The following SLC39A14 variants were observed in gnomAD, a reference collection of about 807,000 sequenced individuals.
SLC39A14 encodes metal cation symporter ZIP14.
In SLC39A14, 19 loss-of-function variants were observed where a neutral mutation model predicts 45.5. That is an observed-to-expected ratio of 0.42 (90% CI 0.29 to 0.61). The LOEUF is 0.61. SLC39A14 is among the 20% of genes least tolerant of loss of function. The probability of loss-of-function intolerance (pLI) is 0.22; values close to 1 mark genes in which losing one functional copy is unlikely to be tolerated. For missense variants in SLC39A14, 447 were observed against 616.5 expected, an observed-to-expected ratio of 0.73 and a Z score of 2.91; for synonymous variants, 264 against 251.3, an observed-to-expected ratio of 1.05 and a Z score of -0.48.
At chr8:22,405,428 G>A (rs182414783) in intron 2 of SLC39A14, among the ~76,000 whole-genome samples, 126 of 152,264 alleles carry the variant, frequency 8.3e-4, no homozygotes, top group African/African-American at 2.7e-3. Context: ...CAAGAGAATC[G>A]CTTGAACCCA....
intron 3 of SLC39A14, among the ~76,000 whole-genome samples, chr8:22,411,509 C>T (rs993960001): frequency 2.6e-5 from 4 of 152,224 alleles, no homozygotes; most frequent in Admixed American, 6.5e-5. Context: ...ACCAAGTGGT[C>T]GTGGTGTCAC....
intron 1 of SLC39A14, among the ~76,000 whole-genome samples, chr8:22,384,854 A>G (rs1307041190): frequency 1.3e-5 from 2 of 152,002 alleles, no homozygotes; most frequent in African/African-American, 4.8e-5. Context: ...GTTTCAGACC[A>G]GCGTCACCAA....
chr8:22,402,966 G>GTGTTTGTT (rs10676463), intron 1 of SLC39A14, among the ~76,000 whole-genome samples: 218 of 150,324 alleles, frequency 1.5e-3, no homozygotes, highest in African/African-American at 2.9e-3. Context: ...TTTAGTTATG[G>GTGTTTGTT]TGTTTGTTTG....
At chr8:22,377,897 T>G (rs1367901378) in intron 1 of SLC39A14, among the ~76,000 whole-genome samples, 1 of 152,210 alleles carries the variant, frequency 6.6e-6, no homozygotes, top group Non-Finnish European at 1.5e-5. Context: ...AATACCCCAT[T>G]TGGATCTGTG....
At position 22,410,114 on chromosome 8, in the gene SLC39A14, A is replaced by C. The variant is rs764088485; in HGVS notation, c.457+1618A>C. ...AACGCGCTATTCCAGCTCATCCCAG[A>C]GGTGCAGTAGAACAGAAACTTGCGC... is the stretch of plus-strand genomic sequence containing the variant. On this transcript the variant is annotated intron_variant, in intron 3 of 8. Coordinates refer to ENST00000381237, the MANE Select transcript of SLC39A14 (RefSeq NM_001128431.4). 3.1e-6 allele frequency: 5 copies of C among 1,613,950 alleles called. No homozygotes were observed. In the African/African-American group the frequency reaches 6.7e-5, roughly 22 times the overall value.
chr8:22,433,539 G>A (rs1482895735), intron 8 of SLC39A14, among the ~76,000 whole-genome samples: 2 of 138,258 alleles, frequency 1.4e-5, no homozygotes, highest in Non-Finnish European at 3.1e-5. Flanking sequence ...TTTATTTTAT[G>A]CTTTTTTTTT....
At chr8:22,415,531 A>C (rs1835820179) in intron 5 of SLC39A14, 2 of 445,754 alleles carry the variant, frequency 4.5e-6, no homozygotes, top group Non-Finnish European at 4.0e-6. Context: ...TCTCAGCTCA[A>C]GCAGTCCTCC....
chr8:22,430,916 G>T (rs568910852), intron 8 of SLC39A14, among the ~76,000 whole-genome samples: 1 of 151,818 alleles, frequency 6.6e-6, no homozygotes, highest in South Asian at 2.1e-4. Flanking sequence ...CAAGTAATCC[G>T]CCCATCTCGG....
chr8:22,406,781 C>T (rs953485452), intron 2 of SLC39A14, among the ~76,000 whole-genome samples: 10 of 152,272 alleles, frequency 6.6e-5, no homozygotes, highest in Non-Finnish European at 1.5e-4. Flanking sequence ...GAGACAAGCA[C>T]GCCCCCGTGC....
intron 1 of SLC39A14, among the ~76,000 whole-genome samples, chr8:22,387,343 C>G (rs532779484): frequency 1.8e-4 from 28 of 152,148 alleles, no homozygotes; most frequent in Middle Eastern, 3.4e-3. Context: ...TGAAAGTCAC[C>G]CAGAAAGGAG....
chr8:22,416,410 A>G (rs1166328151), intron 7 of SLC39A14, 130 bp downstream of exon 7: 1 of 758,224 alleles, frequency 1.3e-6, no homozygotes, highest in Non-Finnish European at 2.1e-6. Context: ...ACACACTCCT[A>G]AAGCTTCATG....
chr8:22,386,225 G>A (rs76106309), intron 1 of SLC39A14, among the ~76,000 whole-genome samples: 6 of 151,632 alleles, frequency 4.0e-5, no homozygotes, highest in Non-Finnish European at 7.4e-5. Context: ...GATTACAGGC[G>A]TGAGCCACTG....
chr8:22,421,226 C>T lies in SLC39A14; in HGVS notation c.*1528C>T, dbSNP rs1356760996. On this transcript the variant is annotated 3_prime_UTR_variant, in exon 9 of 9. Coordinates refer to ENST00000381237, the MANE Select transcript of SLC39A14 (RefSeq NM_001128431.4). ...CATGGCTGACAGGAGTACTGGTTCA[C>T]TACCAATGCCTGAGCTTTTCTCTTA... The T allele has an allele frequency of 2.0e-6, 2 of 985,720 alleles. No individual in the cohort carries two copies. Among genetic ancestry groups the T allele is most frequent in the Non-Finnish European group, 2.4e-6 (2 of 829,936 alleles). The allele number at this position is 985,720 out of a possible 1,614,324, so 61.1% of individuals were successfully genotyped here.
chr8:22,411,986 G>A (rs1271865441), intron 3 of SLC39A14, 51 bp from the exon 4 acceptor site: 4 of 1,514,698 alleles, frequency 2.6e-6, no homozygotes, highest in Non-Finnish European at 3.6e-6. Context: ...AATGGGGCAT[G>A]TGCCTTCTCT....
chr8:22,415,183 T>C (rs1156872701), intron 5 of SLC39A14: 1 of 366,168 alleles, frequency 2.7e-6, no homozygotes, highest in Non-Finnish European at 4.9e-6. Context: ...ATTTGTATCT[T>C]TACAGGATGG....
chr8:22,400,826 A>C (rs565860887), intron 1 of SLC39A14, among the ~76,000 whole-genome samples: 2 of 152,312 alleles, frequency 1.3e-5, no homozygotes, highest in South Asian at 4.1e-4. Context: ...TGGCCACAGG[A>C]TATGCCTGAC....
chr8:22,428,254 G>A (rs912906083), intron 8 of SLC39A14, among the ~76,000 whole-genome samples: 5 of 151,944 alleles, frequency 3.3e-5, no homozygotes, highest in African/African-American at 7.2e-5. Flanking sequence ...CTGAAATTGC[G>A]CCATTGCACT....
chr8:22,419,498 A>T (rs1231632124), intron 8 of SLC39A14, 54 bp from the exon 9 acceptor site: 13 of 1,543,828 alleles, frequency 8.4e-6, no homozygotes, highest in Non-Finnish European at 1.1e-5. Context: ...ATTGCCCTGG[A>T]CTTACAAGAT....
At chr8:22,385,084 A>G (rs1459183262) in intron 1 of SLC39A14, among the ~76,000 whole-genome samples, 1 of 151,944 alleles carries the variant, frequency 6.6e-6, no homozygotes, top group African/African-American at 2.4e-5. Flanking sequence ...ACAAAAACAA[A>G]CAAACAAAAA....
Sources: gnomAD v4.1 joint callset for allele counts (sites outside exome capture counted in the v4.1 genomes callset) on GRCh38, gnomAD v4.1.1 for gene constraint, MANE v1.5 for transcripts, NCBI Gene and HGNC (gene_info 2026-07-23, HGNC 2026-07-21) for gene names.